Variants in FLI1 observed in about 807,000 individuals in gnomAD.
The protein encoded by FLI1 is Friend leukemia integration 1 transcription factor.
A neutral mutation model predicts 53.1 loss-of-function variants in FLI1; 13 were observed. The observed-to-expected ratio is 0.24, with a 90% confidence interval of 0.16 to 0.39. The LOEUF (loss-of-function observed/expected upper bound fraction) is 0.39, where lower values mean the gene tolerates loss of function less well. Ranked by LOEUF, FLI1 falls within the 10% of genes least tolerant of loss-of-function variation. The pLI, the probability that FLI1 is intolerant of heterozygous loss-of-function variation, is 1.00. For missense variants in FLI1, 424 were observed against 600.5 expected, an observed-to-expected ratio of 0.71 and a Z score of 3.07; for synonymous variants, 244 against 236.7, an observed-to-expected ratio of 1.03 and a Z score of -0.28.
chr11:128,799,413 A>T (rs1056008806), intron 5 of FLI1, among the ~76,000 whole-genome samples: 1 of 152,152 alleles, frequency 6.6e-6, no homozygotes, highest in East Asian at 1.9e-4. Flanking sequence ...GTGTATTTTT[A>T]AAATCACCAT....
At chr11:128,745,935 A>G (rs2135784501) in intron 1 of FLI1, among the ~76,000 whole-genome samples, 1 of 152,292 alleles carries the variant, frequency 6.6e-6, no homozygotes, top group East Asian at 1.9e-4. Context: ...GTCGGATAAG[A>G]TCATAGCTTC....
chr11:128,713,860 G>A (rs967240329), intron 1 of FLI1, among the ~76,000 whole-genome samples: 3 of 152,058 alleles, frequency 2.0e-5, no homozygotes, highest in South Asian at 2.1e-4. Flanking sequence ...ATGGCCACCC[G>A]GGGCATTGCT....
At chr11:128,739,622 G>A (rs1591768584) in intron 1 of FLI1, among the ~76,000 whole-genome samples, 1 of 152,108 alleles carries the variant, frequency 6.6e-6, no homozygotes, top group Admixed American at 6.5e-5. Context: ...TGTGGGCAGG[G>A]GGAGCCAGCA....
chr11:128,710,488 T>G (rs1938743426), intron 1 of FLI1, among the ~76,000 whole-genome samples: 1 of 152,138 alleles, frequency 6.6e-6, no homozygotes, highest in Non-Finnish European at 1.5e-5. Context: ...TCAGCCCTAC[T>G]GCTTTTTCTC....
At chr11:128,715,866 A>T (rs1025842334) in intron 1 of FLI1, among the ~76,000 whole-genome samples, 1 of 152,222 alleles carries the variant, frequency 6.6e-6, no homozygotes, top group Non-Finnish European at 1.5e-5. Flanking sequence ...TGACAAGTGG[A>T]ACATTTCCAG....
At chr11:128,714,483 TTTC>T (rs2135724359) in intron 1 of FLI1, among the ~76,000 whole-genome samples, 1 of 152,316 alleles carries the variant, frequency 6.6e-6, no homozygotes, top group South Asian at 2.1e-4. Context: ...TTTGTTAGAA[TTTC>T]TGAGGAAACC....
At chr11:128,711,657 T>G (rs978232942) in intron 1 of FLI1, among the ~76,000 whole-genome samples, 4 of 152,244 alleles carry the variant, frequency 2.6e-5, no homozygotes, top group Admixed American at 1.3e-4. Flanking sequence ...ATCCCTATTA[T>G]ACATAATGGC....
chr11:128,694,773 G>A (rs1937964194), intron 1 of FLI1, among the ~76,000 whole-genome samples: 1 of 152,178 alleles, frequency 6.6e-6, no homozygotes, highest in African/African-American at 2.4e-5. Context: ...AAGTGGCCTC[G>A]TTGCACGAGG....
At chr11:128,721,153 T>C (rs915925349) in intron 1 of FLI1, among the ~76,000 whole-genome samples, 2 of 152,218 alleles carry the variant, frequency 1.3e-5, no homozygotes, top group South Asian at 4.1e-4. Context: ...AGTAACTATG[T>C]GGAGCTCACC....
intron 1 of FLI1, among the ~76,000 whole-genome samples, chr11:128,749,419 C>A (rs11824014): frequency 1.3e-5 from 2 of 152,076 alleles, no homozygotes; most frequent in South Asian, 2.1e-4. Flanking sequence ...TCCTCTCCTG[C>A]GGGCCTCTCC....
At chr11:128,760,838 C>A (rs2135815836) in intron 2 of FLI1, among the ~76,000 whole-genome samples, 1 of 152,174 alleles carries the variant, frequency 6.6e-6, no homozygotes, top group Non-Finnish European at 1.5e-5. Flanking sequence ...GTTGGAGATT[C>A]TCTGGCCTGT....
chr11:128,756,348 C>T lies in FLI1; in HGVS notation c.19-1767C>T, dbSNP rs144199232. Among the ~76,000 whole-genome samples, 391 of 152,276 alleles carry T rather than the reference C, an allele frequency of 2.6e-3. 11 individuals carry two copies. The East Asian group carries it at 0.062, about 24-fold the overall frequency. On this transcript the variant is annotated intron_variant, in intron 1 of 8. Transcript: ENST00000527786. Reference sequence around the variant, plus strand: ...GGCAGCCCCTCTGTGCACACACTCCCCTGGGGGCTCTCTGTGTGTCCAAAT... The same window carrying T: ...GGCAGCCCCTCTGTGCACACACTCCTCTGGGGGCTCTCTGTGTGTCCAAAT...
chr11:128,721,436 C>G (rs187795692), intron 1 of FLI1, among the ~76,000 whole-genome samples: 2 of 152,178 alleles, frequency 1.3e-5, no homozygotes, highest in Non-Finnish European at 2.9e-5. Flanking sequence ...AGGGGAGATG[C>G]CTGTCAAGTT....
intron 1 of FLI1, among the ~76,000 whole-genome samples, chr11:128,704,321 T>C (rs879943250): frequency 6.6e-6 from 1 of 152,192 alleles, no homozygotes; most frequent in Non-Finnish European, 1.5e-5. Flanking sequence ...GCAGGGGCTC[T>C]CAGCAGGTGC....
chr11:128,771,419 A>G (rs1941552077), intron 3 of FLI1, among the ~76,000 whole-genome samples: 1 of 152,234 alleles, frequency 6.6e-6, no homozygotes, highest in African/African-American at 2.4e-5. Context: ...ACCAAGGTGG[A>G]ATGGAGAGTC....
In FLI1 at chr11:128,809,188, T is replaced by C. The variant is rs1422162101; in HGVS notation, c.813T>C (p.Ser271=). ...ATCAGATCCTGGGCCCGACCAGCAG[T>C]CGCCTAGCCAACCCTGGTGAGTTTA... The part of the protein sequence containing the change: ...DPYQILGPTS[S]RLANPGSGQI... Residue 271 remains serine (S), a synonymous_variant, in exon 8 of 9, where the codon AGT becomes AGC. Transcript: ENST00000527786. 6.2e-7 allele frequency: 1 copy of C among 1,614,036 alleles called. No individual in the cohort carries two copies. Among genetic ancestry groups the C allele is most frequent in the South Asian group, 1.1e-5 (1 of 91,088 alleles).
chr11:128,780,347 C>T (rs1455590043), intron 4 of FLI1, among the ~76,000 whole-genome samples: 1 of 152,208 alleles, frequency 6.6e-6, no homozygotes, highest in Non-Finnish European at 1.5e-5. Context: ...CTGCCGGGTG[C>T]GGTGGTAATC....
At chr11:128,739,619 A>T (rs1057005018) in intron 1 of FLI1, among the ~76,000 whole-genome samples, 5 of 152,102 alleles carry the variant, frequency 3.3e-5, no homozygotes, top group Non-Finnish European at 5.9e-5. Flanking sequence ...TGGTGTGGGC[A>T]GGGGGAGCCA....
intron 1 of FLI1, among the ~76,000 whole-genome samples, chr11:128,749,640 G>T (rs1940557524): frequency 6.6e-6 from 1 of 152,198 alleles, no homozygotes; most frequent in Non-Finnish European, 1.5e-5. Flanking sequence ...CCTTTTGATG[G>T]GAAGAGAGAG....
Sources: gnomAD v4.1 joint callset for allele counts (sites outside exome capture counted in the v4.1 genomes callset) on GRCh38, gnomAD v4.1.1 for gene constraint, MANE v1.5 for transcripts, NCBI Gene and HGNC (gene_info 2026-07-23, HGNC 2026-07-21) for gene names.